Variants in RABEPK observed in about 807,000 individuals in gnomAD.
The protein encoded by RABEPK is Rab9 effector protein with kelch motifs.
In RABEPK, 27 loss-of-function variants were observed where a neutral mutation model predicts 34.1. That is an observed-to-expected ratio of 0.79 (90% CI 0.58 to 1.09). The LOEUF (loss-of-function observed/expected upper bound fraction) is 1.09. Among genes scored for constraint, RABEPK ranks in the 50% least tolerant of loss-of-function variants. The pLI is 0.00. For synonymous variants in RABEPK, 172 were observed against 169.2 expected (o/e 1.02, Z -0.13); for missense variants, 449 against 462.6 (o/e 0.97, Z 0.27).
At chr9:125,217,644 G>A (rs551003116) in intron 4 of RABEPK, among the ~76,000 whole-genome samples, 143 of 152,246 alleles carry the variant, frequency 9.4e-4, no homozygotes, top group Non-Finnish European at 1.7e-3. Context: ...TCATGCCCAA[G>A]AAATATGAAA....
At position 125,207,576 on chromosome 9, in the gene RABEPK, T is replaced by C. The variant is rs779915518; in HGVS notation, c.66T>C (p.Thr22=). 1 of 1,614,084 alleles carries C rather than the reference T, an allele frequency of 6.2e-7. No individual in the cohort carries two copies. The highest frequency in any genetic ancestry group is 1.7e-5 in the Admixed American group (1 of 60,024). The change falls in exon 3 of 8, where the codon ACT becomes ACC. Residue 22 remains threonine (T), a synonymous_variant. Transcript: ENST00000373538. ...KPRKATWYTL[T]VPGDSPCARV... is the part of the protein sequence containing the mutation. Reference sequence around the variant, plus strand: ...CTTCCTTTGGCAGGTACACCTTGACTGTCCCTGGAGACAGCCCCTGTGCTC... The same window carrying C: ...CTTCCTTTGGCAGGTACACCTTGACCGTCCCTGGAGACAGCCCCTGTGCTC...
chr9:125,208,553 T>G (rs1366644182), intron 3 of RABEPK, among the ~76,000 whole-genome samples: 1 of 151,524 alleles, frequency 6.6e-6, no homozygotes, highest in Non-Finnish European at 1.5e-5. Flanking sequence ...TTTTTTTTTT[T>G]TAGACGGAGT....
At chr9:125,223,131 T>C (rs1198389739) in intron 5 of RABEPK, among the ~76,000 whole-genome samples, 1 of 151,906 alleles carries the variant, frequency 6.6e-6, no homozygotes, top group African/African-American at 2.4e-5. Context: ...AATACAAAAA[T>C]CAGCCAGGAA....
intron 4 of RABEPK, among the ~76,000 whole-genome samples, chr9:125,219,177 T>C (rs2131400855): frequency 6.6e-6 from 1 of 151,286 alleles, no homozygotes. Context: ...ATTGTCTTTT[T>C]TTTTTTTTCA....
At chr9:125,228,203 C>T (rs1228521766) in intron 6 of RABEPK, 144 bp downstream of exon 6, 5 of 624,018 alleles carry the variant, frequency 8.0e-6, no homozygotes, top group Non-Finnish European at 1.2e-5. Flanking sequence ...TCAAGTAATC[C>T]TCCTACCTCA....
chr9:125,201,356 C>T (rs75383382), intron 1 of RABEPK, among the ~76,000 whole-genome samples: 5,081 of 152,220 alleles, frequency 0.033, 247 homozygotes, highest in African/African-American at 0.11. Flanking sequence ...GCAAAAAAAC[C>T]AATAATGCAA....
At chr9:125,201,993 G>T (rs1037473160) in intron 1 of RABEPK, among the ~76,000 whole-genome samples, 1 of 151,514 alleles carries the variant, frequency 6.6e-6, no homozygotes, top group Non-Finnish European at 1.5e-5. Flanking sequence ...TTGGGAGGCC[G>T]AGGCGAGCCA....
At chr9:125,228,697 C>T (rs1376743322) in intron 6 of RABEPK, among the ~76,000 whole-genome samples, 1 of 149,168 alleles carries the variant, frequency 6.7e-6, no homozygotes, top group Non-Finnish European at 1.5e-5. Context: ...GGCTTGGTGA[C>T]TCACACCTGT....
intron 4 of RABEPK, among the ~76,000 whole-genome samples, chr9:125,217,865 A>G (rs1057386345): frequency 1.3e-5 from 2 of 152,298 alleles, no homozygotes; most frequent in East Asian, 1.9e-4. Context: ...TGCTTTGGAT[A>G]TAGGCTGAGA....
chr9:125,210,026 G>C (rs1268340219), intron 3 of RABEPK, among the ~76,000 whole-genome samples: 2 of 152,070 alleles, frequency 1.3e-5, no homozygotes. Flanking sequence ...CCTCATCATT[G>C]TATCCCAGAC....
chr9:125,204,876 G>A (rs1830121138), intron 2 of RABEPK, among the ~76,000 whole-genome samples: 1 of 152,158 alleles, frequency 6.6e-6, no homozygotes, highest in African/African-American at 2.4e-5. Flanking sequence ...CACCCAGGCT[G>A]GAATGCGGTG....
At chr9:125,201,259 A>C (rs1829886347) in intron 1 of RABEPK, among the ~76,000 whole-genome samples, 1 of 152,224 alleles carries the variant, frequency 6.6e-6, no homozygotes, top group Admixed American at 6.5e-5. Context: ...GGAGTTTGCA[A>C]ATTTCCCAGA....
At chr9:125,217,600 A>G (rs1189394155) in intron 4 of RABEPK, among the ~76,000 whole-genome samples, 1 of 152,098 alleles carries the variant, frequency 6.6e-6, no homozygotes, top group Non-Finnish European at 1.5e-5. Flanking sequence ...TTTCTATCAT[A>G]TCCCTTTTCT....
At chr9:125,207,156 G>T (rs1830276990) in intron 2 of RABEPK, among the ~76,000 whole-genome samples, 1 of 151,752 alleles carries the variant, frequency 6.6e-6, no homozygotes, top group Non-Finnish European at 1.5e-5. Flanking sequence ...GTTCAGAAAG[G>T]TTAAGTGACT....
chr9:125,221,937 A>G (rs915510703), intron 5 of RABEPK: 5 of 151,804 alleles, frequency 3.3e-5, no homozygotes, highest in African/African-American at 1.2e-4. Flanking sequence ...CAGCCTCCCA[A>G]AGTGCTGGGA....
At chr9:125,214,566 G>A (rs1301162750) in intron 4 of RABEPK, among the ~76,000 whole-genome samples, 1 of 152,072 alleles carries the variant, frequency 6.6e-6, no homozygotes, top group Non-Finnish European at 1.5e-5. Flanking sequence ...TCCATCACTG[G>A]CAGTTTTATT....
chr9:125,210,266 G>C (rs1830498088), intron 3 of RABEPK, among the ~76,000 whole-genome samples: 1 of 150,262 alleles, frequency 6.7e-6, no homozygotes, highest in Admixed American at 6.7e-5. Flanking sequence ...AGCCAGGCGT[G>C]GTGGCGGGCA....
At chr9:125,206,588 C>T (rs745578751) in intron 2 of RABEPK, among the ~76,000 whole-genome samples, 9 of 152,076 alleles carry the variant, frequency 5.9e-5, no homozygotes, top group East Asian at 1.9e-4. Flanking sequence ...TCAGATTGAG[C>T]TTTGGGGGTA....
At chr9:125,230,518 T>C (rs912779714) in intron 6 of RABEPK, among the ~76,000 whole-genome samples, 1 of 150,984 alleles carries the variant, frequency 6.6e-6, no homozygotes, top group South Asian at 2.1e-4. Flanking sequence ...GCCCCTGCCT[T>C]GCATTGACAG....
Sources: gnomAD v4.1 joint callset for allele counts (sites outside exome capture counted in the v4.1 genomes callset) on GRCh38, gnomAD v4.1.1 for gene constraint, MANE v1.5 for transcripts, NCBI Gene and HGNC (gene_info 2026-07-23, HGNC 2026-07-21) for gene names.